The following SMOC1 variants were observed in gnomAD, a reference collection of about 807,000 sequenced individuals.
SMOC1 encodes SPARC related modular calcium binding 1, also known as SPARC-related modular calcium-binding protein 1.
A neutral mutation model predicts 56.3 loss-of-function variants in SMOC1; 22 were observed. That is an observed-to-expected ratio of 0.39 (90% CI 0.28 to 0.56). The LOEUF (loss-of-function observed/expected upper bound fraction) is 0.56. SMOC1 is among the 20% of genes least tolerant of loss of function. The pLI, the probability that SMOC1 is intolerant of heterozygous loss-of-function variation, is 0.61. For missense variants in SMOC1, 509 were observed against 565.4 expected (o/e 0.90, Z 1.01); for synonymous variants, 193 against 215.0 (o/e 0.90, Z 0.89).
In SMOC1 at chr14:69,963,685, G is replaced by A. The variant is rs886796555; in HGVS notation, c.378+10153G>A. On this transcript the variant is annotated intron_variant, in intron 3 of 11. Coordinates refer to ENST00000361956, the MANE Select transcript of SMOC1 (RefSeq NM_001034852.3). ...GCAGCCAGTAGCCAGCTTCCCAAGG[G>A]CACCCTACTTTTGCCTTCCTGTGGG... Among the ~76,000 whole-genome samples, 13 of 152,142 alleles carry A rather than the reference G, an allele frequency of 8.5e-5. 1 individual carries two copies. The highest frequency in any genetic ancestry group is 7.9e-4 in the Admixed American group (12 of 15,276).
intron 1 of SMOC1, among the ~76,000 whole-genome samples, chr14:69,923,812 C>T (rs376627021): frequency 5.1e-4 from 78 of 152,260 alleles, no homozygotes; most frequent in Middle Eastern, 3.4e-3. Flanking sequence ...ATCAATCCTA[C>T]GTAGGAGGGA....
At chr14:69,981,540 A>T (rs950026515) in intron 5 of SMOC1, among the ~76,000 whole-genome samples, 4 of 151,754 alleles carry the variant, frequency 2.6e-5, no homozygotes, top group Non-Finnish European at 5.9e-5. Flanking sequence ...TGTGTGTGGG[A>T]GAGGGGGACG....
At chr14:69,954,012 A>AGTGT (rs71448307) in intron 3 of SMOC1, among the ~76,000 whole-genome samples, 1 of 151,302 alleles carries the variant, frequency 6.6e-6, no homozygotes, top group African/African-American at 2.4e-5. Context: ...GGAGTGTGTG[A>AGTGT]GTGTGTGTGT....
intron 1 of SMOC1, among the ~76,000 whole-genome samples, chr14:69,890,205 G>A (rs1016368311): frequency 8.5e-5 from 13 of 152,102 alleles, no homozygotes; most frequent in South Asian, 2.1e-4. Context: ...TGATGAAGTC[G>A]CTTAATTTTC....
chr14:69,905,199 C>A (rs972339323), intron 1 of SMOC1, among the ~76,000 whole-genome samples: 1 of 152,108 alleles, frequency 6.6e-6, no homozygotes, highest in African/African-American at 2.4e-5. Flanking sequence ...TGAGAGTCTT[C>A]TGAAGGCAGA....
At chr14:69,905,166 G>A (rs1884373748) in intron 1 of SMOC1, among the ~76,000 whole-genome samples, 1 of 152,154 alleles carries the variant, frequency 6.6e-6, no homozygotes, top group Non-Finnish European at 1.5e-5. Flanking sequence ...GAGGTGCTAT[G>A]GCAACACATA....
chr14:69,897,859 C>CA, intron 1 of SMOC1, among the ~76,000 whole-genome samples: 1 of 152,236 alleles, frequency 6.6e-6, no homozygotes, highest in Middle Eastern at 3.4e-3. Flanking sequence ...AATTTTGCCT[C>CA]CACTTGTTCT....
At chr14:69,959,452 T>C (rs1386211687) in intron 3 of SMOC1, among the ~76,000 whole-genome samples, 1 of 152,196 alleles carries the variant, frequency 6.6e-6, no homozygotes, top group African/African-American at 2.4e-5. Flanking sequence ...AGATTATAGT[T>C]CTAATAATAT....
At chr14:70,005,472 G>A (rs1382213072) in intron 7 of SMOC1, among the ~76,000 whole-genome samples, 2 of 152,150 alleles carry the variant, frequency 1.3e-5, no homozygotes, top group African/African-American at 4.8e-5. Flanking sequence ...CCTGTCTCCT[G>A]CCCTGCCCAC....
chr14:69,882,960 T>C (rs1191383209), intron 1 of SMOC1, among the ~76,000 whole-genome samples: 1 of 152,242 alleles, frequency 6.6e-6, no homozygotes, highest in African/African-American at 2.4e-5. Flanking sequence ...AAATAGGAGA[T>C]GATGCGAAGA....
In SMOC1 at chr14:70,032,273, T is replaced by C. The variant is rs1202107190; in HGVS notation, c.*2015T>C. On this transcript the variant is annotated 3_prime_UTR_variant, in exon 12 of 12. Coordinates refer to ENST00000361956, the MANE Select transcript of SMOC1 (RefSeq NM_001034852.3). ...GCATCTTGTCTCCCACAGGATCGTGTGTGTAGGTGGTGTTGTGTGGTTTTC... is the reference window on the plus strand; with the variant it reads ...GCATCTTGTCTCCCACAGGATCGTGCGTGTAGGTGGTGTTGTGTGGTTTTC... 3 of 152,394 alleles carry C rather than the reference T, an allele frequency of 2.0e-5. No individual in the cohort carries two copies. The highest frequency in any genetic ancestry group is 7.2e-5 in the African/African-American group (3 of 41,588). The allele number at this position is 152,394 out of a possible 1,614,324, so 9.4% of individuals were successfully genotyped here.
intron 11 of SMOC1, 71 bp from the exon 12 acceptor site, chr14:70,030,171 C>A: frequency 6.2e-7 from 1 of 1,604,710 alleles, no homozygotes; most frequent in Non-Finnish European, 8.5e-7. Context: ...ACAAGCCCAA[C>A]TCTAACTTCT....
At chr14:69,964,151 G>A (rs904360303) in intron 3 of SMOC1, among the ~76,000 whole-genome samples, 1 of 152,188 alleles carries the variant, frequency 6.6e-6, no homozygotes, top group Non-Finnish European at 1.5e-5. Flanking sequence ...GGTGCTCCCA[G>A]CTGGGCATCC....
chr14:69,995,528 T>G (rs866533792), intron 7 of SMOC1, among the ~76,000 whole-genome samples: 1 of 152,180 alleles, frequency 6.6e-6, no homozygotes, highest in African/African-American at 2.4e-5. Flanking sequence ...GACAGAATAG[T>G]GCAGTGGTTA....
intron 5 of SMOC1, among the ~76,000 whole-genome samples, chr14:69,979,272 C>T (rs144947154): frequency 1.4e-3 from 210 of 152,254 alleles, no homozygotes; most frequent in African/African-American, 4.6e-3. Context: ...TCTGGAGAAC[C>T]TGCTGCCCCC....
At chr14:69,950,981 T>C (rs1882975804) in intron 1 of SMOC1, among the ~76,000 whole-genome samples, 1 of 152,220 alleles carries the variant, frequency 6.6e-6, no homozygotes, top group Non-Finnish European at 1.5e-5. Flanking sequence ...CATGCAATTA[T>C]TTATTTTCAT....
At chr14:69,928,339 A>G (rs1016367258) in intron 1 of SMOC1, among the ~76,000 whole-genome samples, 2 of 152,176 alleles carry the variant, frequency 1.3e-5, no homozygotes, top group African/African-American at 4.8e-5. Context: ...TGAATCAGAG[A>G]TGGTTTTTCT....
intron 1 of SMOC1, among the ~76,000 whole-genome samples, chr14:69,943,735 A>G (rs1311081495): frequency 6.6e-6 from 1 of 152,194 alleles, no homozygotes; most frequent in Non-Finnish European, 1.5e-5. Context: ...CTTGAGTTCT[A>G]AAAACTTGAG....
At chr14:69,967,924 G>C (rs140065547) in intron 3 of SMOC1, among the ~76,000 whole-genome samples, 2 of 152,188 alleles carry the variant, frequency 1.3e-5, no homozygotes, top group Non-Finnish European at 2.9e-5. Flanking sequence ...GACAGCTCAT[G>C]CTAGACAGAC....
Sources: allele counts gnomAD v4.1 joint callset (sites outside exome capture counted in the v4.1 genomes callset), GRCh38; gene constraint gnomAD v4.1.1; transcripts MANE v1.5; gene names NCBI Gene and HGNC (gene_info 2026-07-23, HGNC 2026-07-21).